The following CACNA1C variants were observed in gnomAD, a reference collection of about 807,000 sequenced individuals.
CACNA1C encodes voltage-dependent L-type calcium channel subunit alpha-1C.
In CACNA1C, 30 loss-of-function variants were observed where a neutral mutation model predicts 229.0. The observed-to-expected ratio is 0.13, with a 90% confidence interval of 0.10 to 0.18. The LOEUF is 0.18. Ranked by LOEUF, CACNA1C falls within the 10% of genes least tolerant of loss-of-function variation. The probability of loss-of-function intolerance (pLI) is 1.00; values close to 1 mark genes in which losing one functional copy is unlikely to be tolerated. For synonymous variants in CACNA1C, 1,114 were observed against 1,132.5 expected, an observed-to-expected ratio of 0.98 and a Z score of 0.33; for missense variants, 1,658 against 2,845.0, an observed-to-expected ratio of 0.58 and a Z score of 9.49.
intron 1 of CACNA1C, 37 bp from the exon 2 acceptor site, chr12:2,115,187 T>C: frequency 6.9e-7 from 1 of 1,439,330 alleles, no homozygotes; most frequent in Non-Finnish European, 9.3e-7. Context: ...CTGTTTTCTA[T>C]CTAGTAACTG....
At chr12:2,294,805 G>A (rs1227434271) in intron 3 of CACNA1C, among the ~76,000 whole-genome samples, 1 of 152,150 alleles carries the variant, frequency 6.6e-6, no homozygotes, top group Non-Finnish European at 1.5e-5. Context: ...AGTAGTCAAG[G>A]CAGCTTTCAC....
chr12:2,418,078 C>T (rs143496212), intron 3 of CACNA1C, among the ~76,000 whole-genome samples: 13 of 152,234 alleles, frequency 8.5e-5, no homozygotes, highest in East Asian at 7.8e-4. Flanking sequence ...ATGAGGGAGC[C>T]GCTCCCTCTC....
At chr12:2,648,705 G>A (rs1039810832) in intron 31 of CACNA1C, among the ~76,000 whole-genome samples, 198 bp downstream of exon 31, 3 of 152,280 alleles carry the variant, frequency 2.0e-5, no homozygotes, top group African/African-American at 7.2e-5. Context: ...CAGTGGTGGT[G>A]TTTTACCCCT....
intron 3 of CACNA1C, among the ~76,000 whole-genome samples, chr12:2,370,393 C>T (rs112533910): frequency 0.02 from 3,059 of 152,116 alleles, 101 homozygotes; most frequent in African/African-American, 0.069. Context: ...TTTATATTTA[C>T]GTATAATGAT....
At chr12:2,219,737 G>A (rs1443107064) in intron 3 of CACNA1C, among the ~76,000 whole-genome samples, 1 of 152,096 alleles carries the variant, frequency 6.6e-6, no homozygotes, top group East Asian at 1.9e-4. Flanking sequence ...CTGAAACCCT[G>A]GAAACACTTG....
intron 1 of CACNA1C, among the ~76,000 whole-genome samples, chr12:2,028,480 G>A (rs1384607177): frequency 7.2e-5 from 11 of 152,188 alleles, no homozygotes; most frequent in African/African-American, 1.9e-4. Context: ...CTAGAATACA[G>A]ATCTTCTATC....
intron 1 of CACNA1C, among the ~76,000 whole-genome samples, chr12:2,021,804 CA>C (rs373049297): frequency 5.9e-5 from 9 of 152,296 alleles, no homozygotes; most frequent in East Asian, 5.8e-4. Flanking sequence ...GAGAGATATG[CA>C]AGTCCTTTTC....
intron 3 of CACNA1C, among the ~76,000 whole-genome samples, chr12:2,168,699 A>AC (rs371587254): frequency 1.3e-5 from 2 of 151,798 alleles, no homozygotes; most frequent in African/African-American, 4.8e-5. Flanking sequence ...CCTGACTTTG[A>AC]TTTTTTTTCA....
chr12:2,517,141 A>C (rs2099798583), intron 9 of CACNA1C, among the ~76,000 whole-genome samples: 1 of 152,222 alleles, frequency 6.6e-6, no homozygotes, highest in African/African-American at 2.4e-5. Flanking sequence ...GCCTTAACAC[A>C]GGCTGTTGGA....
intron 18 of CACNA1C, among the ~76,000 whole-genome samples, chr12:2,591,914 T>C (rs2065549215): frequency 6.6e-6 from 1 of 152,226 alleles, no homozygotes. Flanking sequence ...TCTGCCTCTG[T>C]CTTCACATGG....
intron 3 of CACNA1C, among the ~76,000 whole-genome samples, chr12:2,166,290 T>C (rs1286601736): frequency 6.6e-6 from 1 of 152,226 alleles, no homozygotes; most frequent in Non-Finnish European, 1.5e-5. Context: ...TCAGTAGTCA[T>C]TCTTTGGGAT....
At position 2,585,210 on chromosome 12, in the gene CACNA1C, G is replaced by T. The variant is rs1430883429; in HGVS notation, c.2340-166G>T. Among the ~76,000 whole-genome samples, 2 of 152,182 alleles carry T rather than the reference G, an allele frequency of 1.3e-5. No individual in the cohort carries two copies. The highest frequency in any genetic ancestry group is 2.9e-5 in the Non-Finnish European group (2 of 68,026). On this transcript the variant is annotated intron_variant, in intron 16 of 46. Transcript: ENST00000399655. This position sits in a 1 kb window ranked among gnomAD's most constrained non-coding sequence, Gnocchi z 4.1. Reference sequence around the variant, plus strand: ...GGTGTAGCTCAGCCCCATAGCACTTGTGACTGAGCTGCACACGAGAAGCGT... The same window carrying T: ...GGTGTAGCTCAGCCCCATAGCACTTTTGACTGAGCTGCACACGAGAAGCGT...
chr12:2,088,392 C>T (rs1006087152), intron 1 of CACNA1C, among the ~76,000 whole-genome samples: 4 of 152,256 alleles, frequency 2.6e-5, no homozygotes, highest in South Asian at 2.1e-4. Context: ...GCCGTGAACA[C>T]GGTGGTTAGA....
intron 3 of CACNA1C, among the ~76,000 whole-genome samples, chr12:2,318,222 G>A (rs1045649437): frequency 5.9e-5 from 9 of 152,344 alleles, no homozygotes; most frequent in African/African-American, 1.4e-4. Flanking sequence ...TGGCCTGGGC[G>A]CTCTCCTTCT....
chr12:2,124,700 C>T (rs921225867), intron 3 of CACNA1C, among the ~76,000 whole-genome samples: 1 of 152,108 alleles, frequency 6.6e-6, no homozygotes, highest in Non-Finnish European at 1.5e-5. Context: ...GCAAGCTTGC[C>T]TGGACGGGTA....
chr12:2,351,669 ATCT>A lies in CACNA1C; in HGVS notation c.478-97303_478-97301del, dbSNP rs201338853. On this transcript the variant is annotated intron_variant, in intron 3 of 46. Transcript: ENST00000399655. ...CCTTCCCCAGGGTGTGTCTGCAGTG[ATCT>A]TCTCATTTGGTTGGTGTCTGCCATG... Among the ~76,000 whole-genome samples the A allele has an allele frequency of 2.6e-5, 4 of 152,238 alleles. No individual in the cohort carries two copies. The East Asian group carries it at 5.8e-4, about 22-fold the overall frequency.
intron 3 of CACNA1C, among the ~76,000 whole-genome samples, chr12:2,413,297 G>A (rs895208726): frequency 2.6e-5 from 4 of 152,180 alleles, no homozygotes; most frequent in Non-Finnish European, 2.9e-5. Context: ...GATTACAGGC[G>A]TGAGCCACCA....
At chr12:2,172,023 C>T (rs200681283) in intron 3 of CACNA1C, among the ~76,000 whole-genome samples, 1 of 152,152 alleles carries the variant, frequency 6.6e-6, no homozygotes, top group Non-Finnish European at 1.5e-5. Flanking sequence ...TGTGGGAGAG[C>T]GTGAATGCAG....
At chr12:2,297,936 A>G (rs1348842177) in intron 3 of CACNA1C, among the ~76,000 whole-genome samples, 2 of 152,214 alleles carry the variant, frequency 1.3e-5, no homozygotes, top group African/African-American at 2.4e-5. Flanking sequence ...AAGGAAGAAA[A>G]GAAAACAGCC....
Sources: allele counts gnomAD v4.1 joint callset (sites outside exome capture counted in the v4.1 genomes callset), GRCh38; gene constraint gnomAD v4.1.1; non-coding constraint Gnocchi (gnomAD v3.1); transcripts MANE v1.5; gene names NCBI Gene and HGNC (gene_info 2026-07-23, HGNC 2026-07-21).